The following KLHL32 variants were observed in gnomAD, a reference collection of about 807,000 sequenced individuals.
KLHL32 encodes the protein kelch like family member 32.
In KLHL32, 35 loss-of-function variants were observed where a neutral mutation model predicts 64.8. That is an observed-to-expected ratio of 0.54 (90% CI 0.41 to 0.72). The LOEUF (loss-of-function observed/expected upper bound fraction) is 0.72, where lower values mean the gene tolerates loss of function less well. KLHL32 is among the 30% of genes least tolerant of loss of function. The pLI, the probability that KLHL32 is intolerant of heterozygous loss-of-function variation, is 0.00. For missense variants in KLHL32, 589 were observed against 768.5 expected (o/e 0.77, Z 2.76); for synonymous variants, 259 against 281.0 (o/e 0.92, Z 0.78).
chr6:96,932,650 T>G (rs1770076739), intron 1 of KLHL32, among the ~76,000 whole-genome samples: 1 of 147,318 alleles, frequency 6.8e-6, no homozygotes, highest in Admixed American at 6.8e-5. Context: ...CATTGCAGAC[T>G]TAATCTCCCG....
chr6:96,981,365 G>T (rs1776291744), intron 3 of KLHL32, among the ~76,000 whole-genome samples: 1 of 151,718 alleles, frequency 6.6e-6, no homozygotes, highest in Non-Finnish European at 1.5e-5. Context: ...AGTCTTTGAG[G>T]TTTTTTTTGT....
At chr6:97,002,540 A>G (rs983224352) in intron 3 of KLHL32, among the ~76,000 whole-genome samples, 1 of 152,178 alleles carries the variant, frequency 6.6e-6, no homozygotes, top group African/African-American at 2.4e-5. Context: ...ATTGTGCGTC[A>G]TAGGAGTTTG....
chr6:97,008,661 G>A (rs1779973645), intron 3 of KLHL32, among the ~76,000 whole-genome samples: 1 of 152,052 alleles, frequency 6.6e-6, no homozygotes, highest in South Asian at 2.1e-4. Context: ...CAAGGTGAGA[G>A]CAGGCCATAC....
intron 3 of KLHL32, among the ~76,000 whole-genome samples, chr6:97,010,606 G>A (rs536801023): frequency 9.6e-4 from 146 of 152,168 alleles, no homozygotes; most frequent in African/African-American, 3.3e-3. Flanking sequence ...TATGAGTGAG[G>A]AACCACAAAA....
the KLHL32 span, among the ~76,000 whole-genome samples, chr6:96,913,228 A>T: frequency 2.0e-5 from 3 of 152,220 alleles, no homozygotes; most frequent in Non-Finnish European, 4.4e-5. Flanking sequence ...CACCCCAGCA[A>T]CTAATAAACT....
At chr6:97,073,314 A>G (rs1280096261) in intron 5 of KLHL32, among the ~76,000 whole-genome samples, 1 of 152,202 alleles carries the variant, frequency 6.6e-6, no homozygotes, top group African/African-American at 2.4e-5. Context: ...TGAAATGCAT[A>G]CATTGTTTTT....
chr6:97,123,125 A>G (rs1174554562), intron 7 of KLHL32, among the ~76,000 whole-genome samples: 1 of 152,220 alleles, frequency 6.6e-6, no homozygotes, highest in African/African-American at 2.4e-5. Flanking sequence ...TTGTCGTTAA[A>G]AAAAAAATTA....
In KLHL32 at chr6:97,129,898, CA is replaced by C. The variant is rs769194403; in HGVS notation, c.1414-855del. 3.3e-5 allele frequency among the ~76,000 whole-genome samples: 5 copies of C among 152,022 alleles called. No homozygotes were observed. In the East Asian group the frequency reaches 5.8e-4, roughly 18 times the overall value. ...ACTCTGTCTCAAATACAAAACAAAA[CA>C]AAACAAAACAAAACTTAGTCTTCCA... On this transcript the variant is annotated intron_variant, in intron 8 of 10. Coordinates refer to ENST00000369261, the MANE Select transcript of KLHL32 (RefSeq NM_052904.4).
At chr6:97,033,543 A>G (rs1783877628) in intron 3 of KLHL32, among the ~76,000 whole-genome samples, 1 of 152,130 alleles carries the variant, frequency 6.6e-6, no homozygotes, top group Admixed American at 6.6e-5. Flanking sequence ...ATACATACCC[A>G]GAAGTGAGAT....
intron 3 of KLHL32, among the ~76,000 whole-genome samples, chr6:97,000,049 T>A (rs9372305): frequency 0.16 from 23,960 of 152,048 alleles, 2,150 homozygotes; most frequent in East Asian, 0.38. Flanking sequence ...AGAAAAAGAA[T>A]GCAAAGATGG....
intron 3 of KLHL32, among the ~76,000 whole-genome samples, chr6:96,991,965 A>AG (rs1274131069): frequency 6.6e-6 from 1 of 152,260 alleles, no homozygotes; most frequent in East Asian, 1.9e-4. Context: ...CCCCAGCCTG[A>AG]GGGCAGCAAG....
At chr6:97,096,290 C>T (rs937274292) in intron 6 of KLHL32, among the ~76,000 whole-genome samples, 1 of 152,320 alleles carries the variant, frequency 6.6e-6, no homozygotes, top group East Asian at 1.9e-4. Context: ...CAGGTAGACA[C>T]GCATGCACAC....
At chr6:96,924,586 G>A (rs1165512251), upstream of KLHL32, 3 of 151,990 alleles carry the variant, frequency 2.0e-5, no homozygotes, top group Non-Finnish European at 3.0e-5. Context: ...GGAGCGCGCG[G>A]GCTAGCTGGA....
At chr6:97,046,650 A>G (rs1785970845) in intron 4 of KLHL32, among the ~76,000 whole-genome samples, 2 of 152,100 alleles carry the variant, frequency 1.3e-5, no homozygotes, top group Admixed American at 1.3e-4. Context: ...TAATAAATCT[A>G]TTTTCCCTTT....
intron 3 of KLHL32, among the ~76,000 whole-genome samples, chr6:96,984,634 C>T (rs1363109381): frequency 6.6e-6 from 1 of 152,158 alleles, no homozygotes; most frequent in Non-Finnish European, 1.5e-5. Context: ...TAAGTAATGG[C>T]CTTGTCTCTT....
chr6:96,964,131 C>T (rs1159978337), intron 1 of KLHL32, among the ~76,000 whole-genome samples: 1 of 151,914 alleles, frequency 6.6e-6, no homozygotes, highest in Non-Finnish European at 1.5e-5. Flanking sequence ...CTTCCTAATG[C>T]TCCACTCAGC....
chr6:97,118,204 A>G (rs1025623639), intron 7 of KLHL32, among the ~76,000 whole-genome samples: 14 of 152,356 alleles, frequency 9.2e-5, no homozygotes, highest in African/African-American at 3.1e-4. Context: ...CAATTTATTC[A>G]AAGCTACTAA....
chr6:97,110,193 T>C (rs1054501704), intron 6 of KLHL32, among the ~76,000 whole-genome samples: 2 of 152,188 alleles, frequency 1.3e-5, no homozygotes, highest in African/African-American at 4.8e-5. Context: ...TGCAATATCT[T>C]TGATTATTGC....
intron 4 of KLHL32, among the ~76,000 whole-genome samples, chr6:97,063,218 G>A (rs1033623860): frequency 2.6e-5 from 4 of 152,204 alleles, no homozygotes; most frequent in Non-Finnish European, 5.9e-5. Context: ...GAAGAGGAAT[G>A]GACTGGACTA....
Sources: allele counts gnomAD v4.1 joint callset (sites outside exome capture counted in the v4.1 genomes callset), GRCh38; gene constraint gnomAD v4.1.1; transcripts MANE v1.5; gene names NCBI Gene and HGNC (gene_info 2026-07-23, HGNC 2026-07-21).